The following PACS2 variants were observed in gnomAD, a reference collection of about 807,000 sequenced individuals.
PACS2 encodes the protein PACS1-like protein.
PACS2 carries 36 observed loss-of-function variants against 113.0 expected under a neutral mutation model. That is an observed-to-expected ratio of 0.32 (90% CI 0.24 to 0.42). PACS2 has a LOEUF of 0.42. Ranked by LOEUF, PACS2 falls within the 10% of genes least tolerant of loss-of-function variation. The pLI, the probability that PACS2 is intolerant of heterozygous loss-of-function variation, is 1.00. For missense variants in PACS2, 1,015 were observed against 1,239.5 expected (o/e 0.82, Z 2.72); for synonymous variants, 589 against 536.1 (o/e 1.10, Z -1.36).
rs2059229333 is a variant in PACS2 at position 105,329,643 on chromosome 14, T to A, written c.119+14606T>A. ...GGCTTGGGGGCGGGGCTTCTCACGA[T>A]GGCTCAGGGAGGTCCAGACAGCCCC... On this transcript the variant is annotated intron_variant, in intron 1 of 24. Transcript: ENST00000447393. This position sits in a 1 kb window ranked among gnomAD's most constrained non-coding sequence, Gnocchi z 6.4. 6.6e-6 allele frequency among the ~76,000 whole-genome samples: 1 copy of A among 152,074 alleles called. No individual in the cohort carries two copies.
At chr14:105,328,778 T>C (rs1655110766) in intron 1 of PACS2, among the ~76,000 whole-genome samples, 1 of 152,176 alleles carries the variant, frequency 6.6e-6, no homozygotes, top group South Asian at 2.1e-4. Context: ...GAAACCTTGT[T>C]TGATTAGACT....
chr14:105,337,456 A>G (rs1178002421), intron 1 of PACS2, among the ~76,000 whole-genome samples: 2 of 152,256 alleles, frequency 1.3e-5, no homozygotes, highest in Non-Finnish European at 2.9e-5. Flanking sequence ...ATTTACCACA[A>G]TAAAAAAGAG....
upstream of PACS2, chr14:105,314,278 G>A (rs1286659633): frequency 3.3e-5 from 5 of 152,160 alleles, no homozygotes; most frequent in African/African-American, 1.2e-4. Context: ...AGGGCAGGGG[G>A]GCGGGGAGAC....
At chr14:105,377,226 T>C (rs1358210493) in intron 9 of PACS2, among the ~76,000 whole-genome samples, 1 of 151,890 alleles carries the variant, frequency 6.6e-6, no homozygotes, top group Non-Finnish European at 1.5e-5. Context: ...GGCACCCCGT[T>C]GTAGGGGATC....
intron 4 of PACS2, among the ~76,000 whole-genome samples, chr14:105,364,477 G>A (rs1344497466): frequency 1.5e-5 from 2 of 137,444 alleles, no homozygotes; most frequent in African/African-American, 2.7e-5. Flanking sequence ...TCCCGGGTGC[G>A]CGGTGGGTGG....
chr14:105,382,465 C>T lies in PACS2; in HGVS notation c.1414-12C>T, dbSNP rs1304870357. On this transcript the variant is annotated splice_polypyrimidine_tract_variant and intron_variant, in intron 13 of 24. Transcript: ENST00000447393. ...TTCTCTTCTGGGTGTGGACAGGGCT[C>T]TGTGCCTCCAGATCCCCAGGAAGAC... 5.3e-6 allele frequency: 8 copies of T among 1,519,044 alleles called. No homozygotes were observed. Among genetic ancestry groups the T allele is most frequent in the Non-Finnish European group, 6.4e-6 (7 of 1,093,658 alleles). 94.1% of individuals were successfully genotyped at this position (1,519,044 alleles called of 1,614,324 possible). A position where few individuals can be genotyped will look rare whatever the true frequency, so the allele number is the denominator to read the frequency against.
intron 1 of PACS2, among the ~76,000 whole-genome samples, chr14:105,318,952 G>A (rs990402610): frequency 6.7e-6 from 1 of 148,930 alleles, no homozygotes; most frequent in Non-Finnish European, 1.5e-5. Context: ...GAGCCACCAC[G>A]CCCTGCCTAT....
Position 105,321,960 on chromosome 14 carries a change from G to A in PACS2, c.119+6923G>A, listed in dbSNP as rs587678710. 1.1e-4 allele frequency among the ~76,000 whole-genome samples: 16 copies of A among 148,288 alleles called. No homozygotes were observed. The South Asian group carries it at 1.5e-3, about 14-fold the overall frequency. ...CCTTTTCTGACTTTTTTTTTTTTGA[G>A]ACAGAGTCTCGCTGTGTCGCCAGGC... On this transcript the variant is annotated intron_variant, in intron 1 of 24. Transcript: ENST00000447393.
Position 105,391,547 on chromosome 14 carries a change from G to A in PACS2, c.2120-84G>A, listed in dbSNP as rs2081357046. 7.3e-6 allele frequency: 8 copies of A among 1,095,536 alleles called. No individual in the cohort carries two copies. The East Asian group carries it at 2.0e-4, about 27-fold the overall frequency. The allele number at this position is 1,095,536 out of a possible 1,614,324, so 67.9% of individuals were successfully genotyped here. A position where few individuals can be genotyped will look rare whatever the true frequency, so the allele number is the denominator to read the frequency against. ...CCCACCCCCAGGAGCTGCCTGGCCT[G>A]GCCACATCCTGGTCCGGAGGGCCTG... is the stretch of plus-strand genomic sequence containing the variant. On this transcript the variant is annotated intron_variant, in intron 21 of 24. Transcript: ENST00000447393.
intron 8 of PACS2, chr14:105,372,270 G>A (rs930460115): frequency 2.0e-5 from 3 of 152,238 alleles, no homozygotes; most frequent in Non-Finnish European, 2.9e-5. Flanking sequence ...GCTGAGGGCT[G>A]CCTTCTGAAT....
intron 4 of PACS2, among the ~76,000 whole-genome samples, chr14:105,360,369 G>A (rs375548070): frequency 7.9e-5 from 12 of 151,910 alleles, no homozygotes; most frequent in Middle Eastern, 3.4e-3. Context: ...GTGAAATGTC[G>A]TCTCTACTAA....
At position 105,380,064 on chromosome 14, in the gene PACS2, A is replaced by ATC. The variant is rs782036623; in HGVS notation, c.1051-13_1051-12dup. ...TGCAGTTGAGCACAAGCTGATTCCC[A>ATC]TCTCCTCCCCCACAGGCTGACGTGC... is the stretch of plus-strand genomic sequence containing the variant. On this transcript the variant is annotated splice_polypyrimidine_tract_variant and intron_variant, in intron 10 of 24. Transcript: ENST00000447393. The ATC allele has an allele frequency of 4.5e-6, 7 of 1,550,768 alleles. No homozygotes were observed. In the Admixed American group the frequency reaches 5.9e-5, roughly 13 times the overall value.
intron 1 of PACS2, among the ~76,000 whole-genome samples, chr14:105,347,836 C>T (rs1291915423): frequency 6.6e-6 from 1 of 152,114 alleles, no homozygotes; most frequent in Non-Finnish European, 1.5e-5. Flanking sequence ...GGCAGATGCC[C>T]CGGGGAGATG....
intron 1 of PACS2, among the ~76,000 whole-genome samples, chr14:105,321,882 A>G (rs1359707899): frequency 1.3e-5 from 2 of 149,122 alleles, no homozygotes. Context: ...TACATATTAG[A>G]TGTGTCTTTG....
intron 15 of PACS2, 105 bp downstream of exon 15, chr14:105,383,018 G>A (rs2081047224): frequency 4.3e-6 from 3 of 705,746 alleles, no homozygotes; most frequent in Non-Finnish European, 4.9e-6. Flanking sequence ...TGGACCTGGG[G>A]CTGTGGCTGG....
Position 105,318,917 on chromosome 14 carries a change from C to T in PACS2, c.119+3880C>T, listed in dbSNP as rs186606065. ...CCTCGTGATCCGCCCGCCTCAGCCT[C>T]CCAAAGTGTTGGGATTACAGGCGTG... On this transcript the variant is annotated intron_variant, in intron 1 of 24. Transcript: ENST00000447393. 7.5e-4 allele frequency among the ~76,000 whole-genome samples: 114 copies of T among 151,856 alleles called. 1 individual carries two copies. The East Asian group carries it at 0.014, about 19-fold the overall frequency.
intron 4 of PACS2, among the ~76,000 whole-genome samples, chr14:105,364,312 C>G (rs1424229323): frequency 1.4e-5 from 2 of 141,540 alleles, no homozygotes; most frequent in Non-Finnish European, 3.1e-5. Flanking sequence ...GTGGGCGTCC[C>G]GGGTGCGCGG....
chr14:105,306,001 A>C (rs912477711), intron 1 of PACS2, among the ~76,000 whole-genome samples: 4 of 152,264 alleles, frequency 2.6e-5, no homozygotes, highest in African/African-American at 9.6e-5. Context: ...TGACTCCAGC[A>C]CACAGCAGCA....
chr14:105,307,881 C>T (rs1188818950), intron 1 of PACS2, among the ~76,000 whole-genome samples: 7 of 152,214 alleles, frequency 4.6e-5, no homozygotes, highest in Admixed American at 2.0e-4. Flanking sequence ...GTCCACCTTC[C>T]ACCACAGAAG....
Sources: allele counts gnomAD v4.1 joint callset (sites outside exome capture counted in the v4.1 genomes callset), GRCh38; gene constraint gnomAD v4.1.1; non-coding constraint Gnocchi (gnomAD v3.1); transcripts MANE v1.5; gene names NCBI Gene and HGNC (gene_info 2026-07-23, HGNC 2026-07-21).